The following TDRD3 variants were observed in gnomAD, a reference collection of about 807,000 sequenced individuals.
TDRD3 encodes the protein tudor domain containing 3, also known as tudor domain-containing protein 3.
Under a neutral mutation model 86.7 loss-of-function variants are expected in TDRD3, and 45 were observed. The observed-to-expected ratio is 0.52, with a 90% CI of 0.41 to 0.67. The LOEUF is 0.67. TDRD3 is among the 30% of genes least tolerant of loss of function. The pLI, the probability that TDRD3 is intolerant of heterozygous loss-of-function variation, is 0.00. For missense variants in TDRD3, 814 were observed against 889.0 expected (o/e 0.92, Z 1.07); for synonymous variants, 298 against 301.7 (o/e 0.99, Z 0.13).
intron 7 of TDRD3, among the ~76,000 whole-genome samples, chr13:60,488,414 A>G (rs1462385089): frequency 6.6e-6 from 1 of 152,088 alleles, no homozygotes; most frequent in African/African-American, 2.4e-5. Context: ...AGAAGGGTCA[A>G]TTTCTGTTTA....
intron 6 of TDRD3, among the ~76,000 whole-genome samples, chr13:60,484,369 GC>G (rs1185238128): frequency 6.6e-6 from 1 of 152,102 alleles, no homozygotes; most frequent in African/African-American, 2.4e-5. Context: ...AATTCTTGTG[GC>G]AGCTTGCTCT....
intron 10 of TDRD3, among the ~76,000 whole-genome samples, chr13:60,526,460 A>C (rs1434409228): frequency 5.3e-5 from 8 of 152,148 alleles, no homozygotes; most frequent in Admixed American, 4.6e-4. Context: ...GGTCACTGCT[A>C]TTCTTCCCGA....
intron 3 of TDRD3, among the ~76,000 whole-genome samples, chr13:60,451,521 T>C (rs924239862): frequency 3.3e-5 from 5 of 152,136 alleles, no homozygotes; most frequent in African/African-American, 4.8e-5. Context: ...GCCATGGAAA[T>C]TGGCACAAAT....
rs559071375 is a variant in TDRD3, at chr13:60,505,971, C to T, written c.859-3792C>T. 2.6e-4 allele frequency among the ~76,000 whole-genome samples: 39 copies of T among 152,246 alleles called. No individual in the cohort carries two copies. The South Asian group carries it at 3.7e-3, about 15-fold the overall frequency. On this transcript the variant is annotated intron_variant, in intron 8 of 13. Coordinates refer to ENST00000377881, the MANE Select transcript of TDRD3 (RefSeq NM_001146070.2). ...GGAAAACACACTTCAGGATATTGTC[C>T]GGAAGAACTTCCCCAACCTAGCAAG...
intron 3 of TDRD3, among the ~76,000 whole-genome samples, chr13:60,447,562 G>A (rs1955432166): frequency 6.6e-6 from 1 of 152,132 alleles, no homozygotes; most frequent in South Asian, 2.1e-4. Context: ...TGTCAGCTAG[G>A]TATCTTGTTA....
chr13:60,493,790 T>G (rs1053042680), intron 7 of TDRD3, among the ~76,000 whole-genome samples: 6 of 152,314 alleles, frequency 3.9e-5, no homozygotes, highest in South Asian at 2.1e-4. Context: ...TGTCCTAATC[T>G]TTTCCTAATA....
chr13:60,477,619 A>G (rs1233995077), intron 5 of TDRD3, among the ~76,000 whole-genome samples: 1 of 152,154 alleles, frequency 6.6e-6, no homozygotes, highest in Admixed American at 6.5e-5. Flanking sequence ...TTCTGCATCT[A>G]TTAAGATGAT....
intron 1 of TDRD3, among the ~76,000 whole-genome samples, chr13:60,422,394 CAA>C (rs1373364706): frequency 6.6e-6 from 1 of 152,024 alleles, no homozygotes; most frequent in Non-Finnish European, 1.5e-5. Context: ...CAAAAATGAA[CAA>C]AATATTTCTA....
chr13:60,550,616 G>A (rs1958028134), intron 12 of TDRD3, among the ~76,000 whole-genome samples: 1 of 152,030 alleles, frequency 6.6e-6, no homozygotes, highest in Admixed American at 6.5e-5. Context: ...TGAATGACAA[G>A]ATTCTTAGTC....
At chr13:60,408,452 G>A (rs1338032699) in intron 1 of TDRD3, among the ~76,000 whole-genome samples, 1 of 152,190 alleles carries the variant, frequency 6.6e-6, no homozygotes, top group Non-Finnish European at 1.5e-5. Flanking sequence ...GGAAAGTTTG[G>A]AACTTCCTAG....
At chr13:60,554,192 G>A (rs1207496979) in intron 12 of TDRD3, among the ~76,000 whole-genome samples, 1 of 152,122 alleles carries the variant, frequency 6.6e-6, no homozygotes, top group East Asian at 1.9e-4. Flanking sequence ...CAAAACCTGG[G>A]TTTTGCATAA....
chr13:60,534,927 C>CAAAAAAAAAAAAA (rs75394722), intron 11 of TDRD3, among the ~76,000 whole-genome samples, 181 bp from the exon 12 acceptor site: 1 of 54,732 alleles, frequency 1.8e-5, no homozygotes, highest in Non-Finnish European at 3.7e-5. Flanking sequence ...GACCCTGTCT[C>CAAAAAAAAAAAAA]AAAAAAAAAA....
upstream of TDRD3, among the ~76,000 whole-genome samples, chr13:60,396,291 G>C (rs1953901991): frequency 6.6e-6 from 1 of 152,222 alleles, no homozygotes; most frequent in Admixed American, 6.5e-5. Flanking sequence ...ACGCCGCAGA[G>C]GTGAAAGACC....
intron 10 of TDRD3, among the ~76,000 whole-genome samples, chr13:60,527,482 AC>A (rs1013317080): frequency 1.3e-5 from 2 of 152,220 alleles, no homozygotes; most frequent in African/African-American, 4.8e-5. Flanking sequence ...ATGATGTATG[AC>A]AAAGGAAACA....
chr13:60,455,891 A>G (rs1168308391), intron 3 of TDRD3, among the ~76,000 whole-genome samples: 3 of 151,954 alleles, frequency 2.0e-5, no homozygotes, highest in Non-Finnish European at 4.4e-5. Flanking sequence ...AACATGGTGA[A>G]ACCCATCTCT....
intron 8 of TDRD3, among the ~76,000 whole-genome samples, chr13:60,496,320 T>C (rs1956716262): frequency 2.4e-5 from 2 of 82,370 alleles, no homozygotes; most frequent in South Asian, 9.9e-4. Context: ...TATATATATA[T>C]ATATATATAT....
Position 60,431,703 on chromosome 13 carries a change from CAAAA to C in TDRD3, c.42-7967_42-7964del, listed in dbSNP as rs67787868. On this transcript the variant is annotated intron_variant, in intron 1 of 13. Coordinates refer to ENST00000377881, the MANE Select transcript of TDRD3 (RefSeq NM_001146070.2). ...AGCAACAAAGCAAGACTATCTTTAC[CAAAA>C]AAAAAAAAAAAAAAAAAGGTGGAAC... Among the ~76,000 whole-genome samples the C allele has an allele frequency of 7.9e-5, 5 of 63,000 alleles. No homozygotes were observed. The South Asian group carries it at 3.0e-3, about 37-fold the overall frequency. The allele number at this position is 63,000 out of a possible 152,430, so 41.3% of individuals were successfully genotyped here. A position where few individuals can be genotyped will look rare whatever the true frequency, so the allele number is the denominator to read the frequency against.
At chr13:60,512,916 C>G (rs1029808776) in intron 10 of TDRD3, among the ~76,000 whole-genome samples, 1 of 152,172 alleles carries the variant, frequency 6.6e-6, no homozygotes, top group Non-Finnish European at 1.5e-5. Context: ...TGGCCCTCTT[C>G]TTATAGCTCC....
intron 1 of TDRD3, among the ~76,000 whole-genome samples, chr13:60,426,129 G>A (rs1397783130): frequency 2.0e-5 from 3 of 152,082 alleles, no homozygotes; most frequent in Admixed American, 6.6e-5. Flanking sequence ...TCTCACCCAT[G>A]AATGGACCTA....
Sources: gnomAD v4.1 joint callset for allele counts (sites outside exome capture counted in the v4.1 genomes callset) on GRCh38, gnomAD v4.1.1 for gene constraint, MANE v1.5 for transcripts, NCBI Gene and HGNC (gene_info 2026-07-23, HGNC 2026-07-21) for gene names.